The following SYNE2 variants were observed in gnomAD, a reference collection of about 807,000 sequenced individuals.
SYNE2 encodes nesprin-2.
Under a neutral mutation model 856.3 loss-of-function variants are expected in SYNE2, and 431 were observed. The ratio of observed to expected loss-of-function variants is 0.50; its 90% CI spans 0.47 to 0.55. SYNE2 has a LOEUF of 0.55. SYNE2 is among the 20% of genes least tolerant of loss of function. The pLI, the probability that SYNE2 is intolerant of heterozygous loss-of-function variation, is 0.00. For synonymous variants in SYNE2, 2,923 were observed against 2,872.3 expected (o/e 1.02, Z -0.56); for missense variants, 8,129 against 8,023.2 (o/e 1.01, Z -0.50).
In SYNE2 at chr14:64,162,180, G is replaced by A. The variant is rs1360424742; in HGVS notation, c.16203G>A (p.Leu5401=). 1 of 1,614,142 alleles carries A rather than the reference G, an allele frequency of 6.2e-7. No homozygotes were observed. Among genetic ancestry groups the A allele is most frequent in the Non-Finnish European group, 8.5e-7 (1 of 1,180,052 alleles). The part of the protein sequence containing the change: ...SNAHGEAAAR[L]KQQEAKFQQL... ...CTCATGGTGAAGCTGCCGCAAGGCT[G>A]AAGCAGCAGGAAGCAAAGTTTCAAC... The change falls in exon 88 of 116, where the codon CTG becomes CTA. Residue 5401 remains leucine, a synonymous_variant. Transcript: ENST00000555002.
chr14:64,088,529 C>T (rs1329408492), intron 58 of SYNE2, among the ~76,000 whole-genome samples: 5 of 152,080 alleles, frequency 3.3e-5, no homozygotes, highest in Non-Finnish European at 7.4e-5. Context: ...CCAGCATTTA[C>T]GGAGGCAGAG....
chr14:63,848,900 A>G (rs1255966745), upstream of SYNE2, among the ~76,000 whole-genome samples: 1 of 152,162 alleles, frequency 6.6e-6, no homozygotes, highest in Non-Finnish European at 1.5e-5. Flanking sequence ...TTTTTCCTCA[A>G]TCTCTAGGAT....
intron 62 of SYNE2, 34 bp downstream of exon 62, chr14:64,098,180 A>T (rs770569596): frequency 1.2e-6 from 2 of 1,607,080 alleles, no homozygotes; most frequent in East Asian, 4.5e-5. Flanking sequence ...CTGGCCCCAC[A>T]CTCCACAAGA....
chr14:64,134,153 G>C lies in SYNE2; in HGVS notation c.14599G>C (p.Val4867Leu), dbSNP rs146138438. ...ATCTACATTGCCCTCTGTGAGTTTGGTGGAAGAAACAGAGGAAAGATTAGT... is the reference window on the plus strand; with the variant it reads ...ATCTACATTGCCCTCTGTGAGTTTGCTGGAAGAAACAGAGGAAAGATTAGT... ...LISTLPSVSL[V>L]EETEERLVER... Residue 4867 changes from valine (V) to leucine (L), a missense_variant, in exon 78 of 116, where the codon GTG (valine) becomes CTG (leucine). By Grantham distance (32) the Val-to-Leu change is conservative. Transcript: ENST00000555002. The C allele has an allele frequency of 9.9e-6, 16 of 1,613,902 alleles. No individual in the cohort carries two copies. The highest frequency in any genetic ancestry group is 1.4e-5 in the Non-Finnish European group (16 of 1,179,904).
At chr14:63,814,920 C>T (rs998959066) in intron 1 of SYNE2, among the ~76,000 whole-genome samples, 1 of 34,114 alleles carries the variant, frequency 2.9e-5, no homozygotes, top group South Asian at 1.3e-3. Context: ...ATCCATATAT[C>T]TATCCATATA....
At chr14:63,919,466 C>A (rs911788826) in intron 2 of SYNE2, among the ~76,000 whole-genome samples, 1 of 152,130 alleles carries the variant, frequency 6.6e-6, no homozygotes, top group Non-Finnish European at 1.5e-5. Flanking sequence ...TTGTTGAATT[C>A]ATGGAGCCAA....
chr14:63,948,975 A>G (rs1363016926), intron 6 of SYNE2, among the ~76,000 whole-genome samples: 1 of 151,698 alleles, frequency 6.6e-6, no homozygotes, highest in Admixed American at 6.6e-5. Flanking sequence ...CAGTGTCAGT[A>G]AATGTTCTGT....
At chr14:64,202,723 C>T in intron 99 of SYNE2, 78 bp from the exon 100 acceptor site, 1 of 1,583,244 alleles carries the variant, frequency 6.3e-7, no homozygotes, top group Non-Finnish European at 8.7e-7. Context: ...CACATTCTTC[C>T]ACCACTAAGT....
chr14:64,185,507 CTTTTTCTTTTTCTTTTTTT>C (rs1409580249), intron 96 of SYNE2, among the ~76,000 whole-genome samples: 1 of 122,550 alleles, frequency 8.2e-6, no homozygotes, highest in Non-Finnish European at 1.6e-5. Context: ...TTTTCTTTTT[CTTTTTCTTTTTCTTTTTTT>C]TTTTTTTTTT....
At position 63,929,750 on chromosome 14, in the gene SYNE2, G is replaced by A. The variant is rs972794028; in HGVS notation, c.80-10864G>A. 6.8e-5 allele frequency among the ~76,000 whole-genome samples: 10 copies of A among 147,658 alleles called. No homozygotes were observed. The East Asian group carries it at 9.9e-4, about 15-fold the overall frequency. On this transcript the variant is annotated intron_variant, in intron 2 of 115. Transcript: ENST00000555002. ...CGCGCCGTTGCACTCTGGCCTGGGC[G>A]ACAAGAGTGAAACTGTCTCAAAAAA...
intron 48 of SYNE2, 119 bp downstream of exon 48, chr14:64,053,776 C>A: frequency 8.6e-6 from 8 of 933,854 alleles, no homozygotes; most frequent in East Asian, 2.6e-5. Flanking sequence ...CCAGCCTGGC[C>A]AACATGGCAA....
intron 21 of SYNE2, among the ~76,000 whole-genome samples, chr14:63,991,534 T>C (rs2096666314): frequency 6.6e-6 from 1 of 152,220 alleles, no homozygotes; most frequent in Non-Finnish European, 1.5e-5. Flanking sequence ...CCATTATTAT[T>C]AAAATACTTT....
chr14:64,045,701 G>A (rs905335360), intron 45 of SYNE2, among the ~76,000 whole-genome samples: 1 of 152,152 alleles, frequency 6.6e-6, no homozygotes, highest in African/African-American at 2.4e-5. Flanking sequence ...TCAGTAATTT[G>A]CAGCCTTTTA....
intron 1 of SYNE2, among the ~76,000 whole-genome samples, chr14:63,831,549 CTTTTTTTTTTT>C (rs1211983068): frequency 1.4e-5 from 1 of 69,554 alleles, no homozygotes; most frequent in Admixed American, 2.3e-4. Flanking sequence ...AATGTTCATT[CTTTTTTTTTTT>C]TTTTTTTTTT....
In SYNE2 at chr14:64,090,943, C is replaced by G. The variant is rs1438001171; in HGVS notation, c.11871C>G (p.Pro3957=). The change falls in exon 60 of 116, where the codon CCC becomes CCG. Residue 3957 remains proline (P), a synonymous_variant. Transcript: ENST00000555002. ...CTTACCAAGTGGAACTGAGGTTGCC[C>G]CAAACAGGAATGAAACCTCTGCCTG... ...IVSYQVELRL[P]QTGMKPLPVF... 6 of 1,613,918 alleles carry G rather than the reference C, an allele frequency of 3.7e-6. No individual in the cohort carries two copies. The African/African-American group carries it at 6.7e-5, about 18-fold the overall frequency.
At chr14:63,927,809 T>C (rs2153391248) in intron 2 of SYNE2, among the ~76,000 whole-genome samples, 1 of 152,068 alleles carries the variant, frequency 6.6e-6, no homozygotes, top group East Asian at 1.9e-4. Context: ...GGAGAATTGC[T>C]TGAACCTGGG....
At position 63,996,969 on chromosome 14, in the gene SYNE2, G is replaced by C. The variant is rs773012535; in HGVS notation, c.2963G>C (p.Cys988Ser). 2 of 1,614,104 alleles carry C rather than the reference G, an allele frequency of 1.2e-6. No individual in the cohort carries two copies. Among genetic ancestry groups the C allele is most frequent in the South Asian group, 2.2e-5 (2 of 91,066 alleles). ...TAGGCCTGCTTTTCTGAGGAAGGCT[G>C]CCTGTACCAGCTTAATCACCACATG... ...EHEACFSEEG[C>S]LYQLNHHMEV... Residue 988 changes from cysteine to serine, a missense_variant, in exon 24 of 116, where the codon TGC (cysteine) becomes TCC (serine). Transcript: ENST00000555002.
At chr14:64,042,404 A>G (rs1595087778) in intron 45 of SYNE2, among the ~76,000 whole-genome samples, 3 of 152,236 alleles carry the variant, frequency 2.0e-5, no homozygotes, top group African/African-American at 7.2e-5. Context: ...CTTAATACAG[A>G]AAATTATATC....
chr14:63,838,576 G>A (rs564274150), intron 1 of SYNE2, among the ~76,000 whole-genome samples: 4 of 151,890 alleles, frequency 2.6e-5, no homozygotes, highest in South Asian at 2.1e-4. Context: ...ATGCAGTGGC[G>A]CAATCATAGC....
Sources: gnomAD v4.1 joint callset for allele counts (sites outside exome capture counted in the v4.1 genomes callset) on GRCh38, gnomAD v4.1.1 for gene constraint, MANE v1.5 for transcripts, NCBI Gene and HGNC (gene_info 2026-07-23, HGNC 2026-07-21) for gene names.